ATXN7L1: variants seen among roughly 807,000 people sequenced by gnomAD.
ATXN7L1 encodes the protein ataxin-7-like protein 1.
Under a neutral mutation model 70.8 loss-of-function variants are expected in ATXN7L1, and 15 were observed. The observed-to-expected ratio is 0.21, with a 90% CI of 0.14 to 0.33. The LOEUF (loss-of-function observed/expected upper bound fraction) is 0.33, where lower values mean the gene tolerates loss of function less well. Among genes scored for constraint, ATXN7L1 ranks in the 10% least tolerant of loss-of-function variants. The pLI is 1.00. For missense variants in ATXN7L1, 975 were observed against 1,097.1 expected (o/e 0.89, Z 1.57); for synonymous variants, 440 against 445.1 (o/e 0.99, Z 0.14).
chr7:105,760,721 T>G (rs192056125), intron 3 of ATXN7L1: 235 of 258,996 alleles, frequency 9.1e-4, no homozygotes, highest in Admixed American at 1.9e-3. Flanking sequence ...ATTAGGGGAG[T>G]CTTCCAGAAG....
intron 3 of ATXN7L1, among the ~76,000 whole-genome samples, chr7:105,710,854 A>T (rs1401592434): frequency 2.0e-5 from 3 of 152,186 alleles, no homozygotes; most frequent in African/African-American, 7.2e-5. Flanking sequence ...CATACCCGAG[A>T]CTGGGCAATT....
chr7:105,815,301 A>G (rs1390713262), intron 2 of ATXN7L1, among the ~76,000 whole-genome samples: 3 of 152,206 alleles, frequency 2.0e-5, no homozygotes, highest in Non-Finnish European at 4.4e-5. Context: ...AGGTATGTAC[A>G]CTGCAGGCTG....
intron 3 of ATXN7L1, among the ~76,000 whole-genome samples, chr7:105,690,840 AC>A (rs1440161098): frequency 6.6e-5 from 10 of 152,178 alleles, no homozygotes; most frequent in Non-Finnish European, 1.5e-4. Context: ...ATTACGGGAA[AC>A]CCTTTTATAG....
intron 2 of ATXN7L1, among the ~76,000 whole-genome samples, chr7:105,837,158 G>T (rs566280227): frequency 1.3e-5 from 2 of 152,212 alleles, no homozygotes; most frequent in African/African-American, 2.4e-5. Flanking sequence ...TCACCAAAGG[G>T]ATGGCTCAAG....
At chr7:105,870,299 AT>A (rs1485385019) in intron 2 of ATXN7L1, among the ~76,000 whole-genome samples, 30 of 137,516 alleles carry the variant, frequency 2.2e-4, no homozygotes, top group Admixed American at 1.7e-3. Flanking sequence ...AAAAAAAAAA[AT>A]TTGATATCCA....
chr7:105,848,655 T>A (rs923787698), intron 2 of ATXN7L1, among the ~76,000 whole-genome samples: 2 of 152,222 alleles, frequency 1.3e-5, no homozygotes, highest in Non-Finnish European at 2.9e-5. Context: ...TAATTCCAGA[T>A]GACAGGGGTA....
intron 4 of ATXN7L1, chr7:105,649,331 T>A (rs1457035014): frequency 2.0e-6 from 2 of 979,038 alleles, no homozygotes; most frequent in Non-Finnish European, 2.4e-6. Context: ...TGTACCTCTG[T>A]CTCGGTCCTG....
chr7:105,753,729 A>G (rs981812137), intron 3 of ATXN7L1, among the ~76,000 whole-genome samples: 1 of 152,354 alleles, frequency 6.6e-6, no homozygotes, highest in African/African-American at 2.4e-5. Context: ...GCAACAGCTA[A>G]CTCATCTTTC....
At chr7:105,797,434 A>G (rs994780121) in intron 2 of ATXN7L1, among the ~76,000 whole-genome samples, 1 of 152,210 alleles carries the variant, frequency 6.6e-6, no homozygotes, top group Non-Finnish European at 1.5e-5. Flanking sequence ...TTCAAGATGT[A>G]TGGAGGCGAA....
At position 105,614,751 on chromosome 7, in the gene ATXN7L1, G is replaced by A. The variant is rs562266195; in HGVS notation, c.1583C>T (p.Pro528Leu). 7 of 1,551,744 alleles carry A rather than the reference G, an allele frequency of 4.5e-6. No individual in the cohort carries two copies. The highest frequency in any genetic ancestry group is 1.2e-5 in the South Asian group (1 of 84,060). ...SPAAHITTPVPASVLQPFSNP... is the reference protein window; with the variant it reads ...SPAAHITTPVLASVLQPFSNP... ...GCTGAAAGGCTGCAAAACGGATGCT[G>A]GAACGGGGGTGGTGATGTGGGCTGC... The change falls in exon 10 of 12, where the codon CCA (proline) becomes CTA (leucine). Residue 528 changes from proline to leucine, a missense_variant. Physicochemically the swap from Pro to Leu is moderately conservative, Grantham distance 98. This residue lies in a region of ATXN7L1 where 635 missense variants were observed against 699.4 expected (regional missense o/e 0.91). Coordinates refer to ENST00000419735, the MANE Select transcript of ATXN7L1 (RefSeq NM_020725.2). The surrounding 1 kb of genome is among the most constrained non-coding windows in gnomAD (Gnocchi z 4.3).
intron 4 of ATXN7L1, among the ~76,000 whole-genome samples, chr7:105,645,828 C>G (rs1798926141): frequency 6.7e-6 from 1 of 150,130 alleles, no homozygotes; most frequent in Non-Finnish European, 1.5e-5. Flanking sequence ...AACAAACAAA[C>G]AAACAAACAA....
At chr7:105,692,424 TCCTCCCTCCCTCCCTCCCTC>T (rs1554431695) in intron 3 of ATXN7L1, among the ~76,000 whole-genome samples, 9 of 88,156 alleles carry the variant, frequency 1.0e-4, no homozygotes, top group East Asian at 3.7e-4. Context: ...CTTCCTTCCT[TCCTCCCTCCCTCCCTCCCTC>T]CCTTCCTTCC....
intron 3 of ATXN7L1, among the ~76,000 whole-genome samples, chr7:105,786,109 G>C (rs1360546400): frequency 6.6e-6 from 1 of 152,196 alleles, no homozygotes; most frequent in Admixed American, 6.5e-5. Flanking sequence ...CACACACCTA[G>C]AGCTGAGGGA....
intron 9 of ATXN7L1, among the ~76,000 whole-genome samples, chr7:105,618,427 C>T (rs1794244319): frequency 1.3e-5 from 2 of 152,126 alleles, no homozygotes; most frequent in Non-Finnish European, 2.9e-5. Context: ...CCTTACCTAC[C>T]TTATAGTAAA....
chr7:105,812,102 C>G (rs961902336), intron 2 of ATXN7L1, among the ~76,000 whole-genome samples: 1 of 152,190 alleles, frequency 6.6e-6, no homozygotes, highest in Non-Finnish European at 1.5e-5. Context: ...CTCAAGCCCC[C>G]CTGGATGCTA....
chr7:105,693,577 ATCCATCT>A (rs71905827), intron 3 of ATXN7L1, among the ~76,000 whole-genome samples: 48,628 of 142,442 alleles, frequency 0.34, 7,952 homozygotes, highest in Admixed American at 0.36. Context: ...CCATCCATCC[ATCCATCT>A]AATTTGAAGA....
chr7:105,808,955 G>A (rs1012734372), intron 2 of ATXN7L1, among the ~76,000 whole-genome samples: 18 of 152,206 alleles, frequency 1.2e-4, no homozygotes, highest in African/African-American at 3.9e-4. Flanking sequence ...TCCAACCTAC[G>A]GGGCATAGAA....
chr7:105,727,752 A>G lies in ATXN7L1; in HGVS notation c.355+60852T>C, dbSNP rs1212717694. ...GGTGTGTGTGTGTATGTGTGTATAT[A>G]TATATATATATATATATATATATAT... On this transcript the variant is annotated intron_variant, in intron 3 of 11. Transcript: ENST00000419735. Among the ~76,000 whole-genome samples the G allele has an allele frequency of 3.7e-4, 31 of 83,026 alleles. 2 individuals carry two copies. The highest frequency in any genetic ancestry group is 1.0e-3 in the East Asian group (2 of 1,986). The allele number at this position is 83,026 out of a possible 152,430, so 54.5% of individuals were successfully genotyped here. A position where few individuals can be genotyped will look rare whatever the true frequency, so the allele number is the denominator to read the frequency against.
chr7:105,641,223 T>C (rs1477509456), intron 5 of ATXN7L1, among the ~76,000 whole-genome samples: 4 of 117,088 alleles, frequency 3.4e-5, no homozygotes, highest in Non-Finnish European at 5.4e-5. Context: ...TCTTTTTTTT[T>C]TTTTTTTTTT....
Sources: gnomAD v4.1 joint callset for allele counts (sites outside exome capture counted in the v4.1 genomes callset) on GRCh38, gnomAD v4.1.1 for gene constraint, gnomAD v4.1.1 regional missense constraint, Gnocchi (gnomAD v3.1) non-coding constraint, MANE v1.5 for transcripts, NCBI Gene and HGNC (gene_info 2026-07-23, HGNC 2026-07-21) for gene names.